CCDC60: variants seen among roughly 807,000 people sequenced by gnomAD.
The protein encoded by CCDC60 is coiled-coil domain-containing protein 60.
CCDC60 carries 54 observed loss-of-function variants against 63.5 expected under a neutral mutation model. That is an observed-to-expected ratio of 0.85 (90% CI 0.68 to 1.07). The LOEUF (loss-of-function observed/expected upper bound fraction) is 1.07. Ranked by LOEUF, CCDC60 falls within the 50% of genes least tolerant of loss-of-function variation. The probability of loss-of-function intolerance (pLI) is 0.00; values close to 1 mark genes in which losing one functional copy is unlikely to be tolerated. For synonymous variants in CCDC60, 206 were observed against 238.8 expected (o/e 0.86, Z 1.27); for missense variants, 651 against 684.3 (o/e 0.95, Z 0.54).
chr12:119,361,094 C>T lies in CCDC60; in HGVS notation c.90+25828C>T, dbSNP rs1318981074. On this transcript the variant is annotated intron_variant, in intron 1 of 13. Coordinates refer to ENST00000327554, the MANE Select transcript of CCDC60 (RefSeq NM_178499.5). ...GAGCCGAGATGGCAGCAGTATAGTC[C>T]AGCTTCGGCTTGGCATGAGAGGGAG... is the stretch of plus-strand genomic sequence containing the variant. Among the ~76,000 whole-genome samples, 3 of 150,318 alleles carry T rather than the reference C, an allele frequency of 2.0e-5. No individual in the cohort carries two copies. The South Asian group carries it at 6.5e-4, about 32-fold the overall frequency.
chr12:119,515,025 G>C (rs762453120), intron 7 of CCDC60, among the ~76,000 whole-genome samples: 3 of 152,172 alleles, frequency 2.0e-5, no homozygotes, highest in Non-Finnish European at 2.9e-5. Context: ...GTATATACCA[G>C]GTGTATAGTA....
At chr12:119,530,266 A>AG (rs1186706877) in intron 12 of CCDC60, among the ~76,000 whole-genome samples, 2 of 132,080 alleles carry the variant, frequency 1.5e-5, no homozygotes, top group African/African-American at 6.0e-5. Context: ...GGGGTGAGGG[A>AG]GTTTTTTTTT....
intron 2 of CCDC60, among the ~76,000 whole-genome samples, chr12:119,436,512 C>G (rs993676431): frequency 2.0e-5 from 3 of 149,872 alleles, no homozygotes; most frequent in Non-Finnish European, 4.4e-5. Context: ...CAAAGAGAAG[C>G]AAGCGAGTCC....
chr12:119,527,550 G>C (rs924018961), intron 11 of CCDC60, among the ~76,000 whole-genome samples: 3 of 151,894 alleles, frequency 2.0e-5, no homozygotes, highest in Non-Finnish European at 2.9e-5. Context: ...GGGGCATACA[G>C]TGTTTGCAAG....
rs771254190 is a variant in CCDC60, at chr12:119,479,109, G to T, written c.357G>T (p.Glu119Asp). The T allele has an allele frequency of 8.1e-6, 13 of 1,612,896 alleles. No homozygotes were observed. The highest frequency in any genetic ancestry group is 1.3e-5 in the African/African-American group (1 of 75,036). The change falls in exon 4 of 14, where the codon GAG becomes GAT. Residue 119 changes from glutamate (E) to aspartate (D), a missense_variant. Transcript: ENST00000327554. ...TGTCCTTCAGCACATATGATGATGA[G>T]AAGTTGAAGACACTGGGAGCTAGAG... ...GDTLLSTYDDEKLKTLGARVT... is the reference protein window; with the variant it reads ...GDTLLSTYDDDKLKTLGARVT...
At position 119,400,328 on chromosome 12, in the gene CCDC60, C is replaced by T. The variant is rs191234528; in HGVS notation, c.91-28355C>T. Among the ~76,000 whole-genome samples, 744 of 152,314 alleles carry T rather than the reference C, an allele frequency of 4.9e-3. 9 individuals are homozygous for T. Among genetic ancestry groups the T allele is most frequent in the African/African-American group, 0.017 (719 of 41,570 alleles). On this transcript the variant is annotated intron_variant, in intron 1 of 13. Coordinates refer to ENST00000327554, the MANE Select transcript of CCDC60 (RefSeq NM_178499.5). ...CCTCCCAAAGTGCCGGGATTACAGG[C>T]GTGAGCCACTGCGCCCGGCCCGGTT...
chr12:119,353,861 TCCAGAGTTTGAGA>T (rs1179907764), intron 1 of CCDC60, among the ~76,000 whole-genome samples: 8 of 151,996 alleles, frequency 5.3e-5, no homozygotes, highest in Non-Finnish European at 8.8e-5. Context: ...TCGCCTGAGG[TCCAGAGTTTGAGA>T]CCAGCCTGGC....
Position 119,523,679 on chromosome 12 carries a change from ATCTGT to A in CCDC60, c.1104-13_1104-9del. On this transcript the variant is annotated splice_polypyrimidine_tract_variant and intron_variant, in intron 10 of 13. Coordinates refer to ENST00000327554, the MANE Select transcript of CCDC60 (RefSeq NM_178499.5). The stretch of plus-strand genomic sequence containing the variant: ...GGGCTCCATTCCCCAAGCCCTTCTT[ATCTGT>A]GTCCACAGCCGCACTAATTGTGACA... The A allele has an allele frequency of 6.2e-7, 1 of 1,613,694 alleles. No homozygotes were observed. The highest frequency in any genetic ancestry group is 8.5e-7 in the Non-Finnish European group (1 of 1,179,792).
At chr12:119,469,216 G>A (rs1379934995) in intron 2 of CCDC60, among the ~76,000 whole-genome samples, 3 of 152,110 alleles carry the variant, frequency 2.0e-5, no homozygotes, top group African/African-American at 4.8e-5. Flanking sequence ...GCAGACCCAA[G>A]TCTGAAAGTT....
At chr12:119,533,261 C>T (rs184871038) in intron 13 of CCDC60, among the ~76,000 whole-genome samples, 12 of 151,610 alleles carry the variant, frequency 7.9e-5, no homozygotes, top group African/African-American at 2.7e-4. Flanking sequence ...TTTTTGATGG[C>T]GTTGTTTATT....
At chr12:119,473,505 A>G (rs1374822016) in intron 3 of CCDC60, among the ~76,000 whole-genome samples, 1 of 152,142 alleles carries the variant, frequency 6.6e-6, no homozygotes, top group Non-Finnish European at 1.5e-5. Context: ...GTTTGGTTAC[A>G]TGAATAAGTT....
intron 1 of CCDC60, among the ~76,000 whole-genome samples, chr12:119,386,325 G>C (rs964733825): frequency 1.3e-5 from 2 of 152,162 alleles, no homozygotes; most frequent in South Asian, 2.1e-4. Flanking sequence ...TCTTGCCCTG[G>C]GTAGGTTGCA....
At position 119,335,232 on chromosome 12, in the gene CCDC60, T is replaced by A. The variant is rs781445365; in HGVS notation, c.56T>A (p.Val19Asp). The change falls in exon 1 of 14, where the codon GTC becomes GAC. Residue 19 changes from valine (V) to aspartate (D), a missense_variant. Val to Asp is a radical substitution (Grantham distance 152). Coordinates refer to ENST00000327554, the MANE Select transcript of CCDC60 (RefSeq NM_178499.5). Reference protein sequence around the residue: ...KLQSSPNSGAVRPFYASENLR... With the variant: ...KLQSSPNSGADRPFYASENLR... Reference sequence around the variant, plus strand: ...CAGAGTTCCCCCAACTCGGGGGCTGTCCGGCCCTTTTATGCCTCGGAGAAC... The same window carrying A: ...CAGAGTTCCCCCAACTCGGGGGCTGACCGGCCCTTTTATGCCTCGGAGAAC... 1.9e-6 allele frequency: 3 copies of A among 1,605,534 alleles called. No homozygotes were observed. In the South Asian group the frequency reaches 3.4e-5, roughly 18 times the overall value.
chr12:119,351,394 A>G (rs1262362105), intron 1 of CCDC60, among the ~76,000 whole-genome samples: 1 of 152,202 alleles, frequency 6.6e-6, no homozygotes, highest in Non-Finnish European at 1.5e-5. Context: ...CTATAAAAAA[A>G]TACCTGAGTC....
At chr12:119,433,421 A>G in intron 2 of CCDC60, 2 of 702,396 alleles carry the variant, frequency 2.8e-6, no homozygotes, top group Non-Finnish European at 5.2e-6. Flanking sequence ...AGAATGGGGA[A>G]AAGGCCAAAC....
intron 2 of CCDC60, among the ~76,000 whole-genome samples, chr12:119,436,038 G>A (rs1157596465): frequency 2.0e-5 from 3 of 152,156 alleles, no homozygotes; most frequent in African/African-American, 7.2e-5. Context: ...GAGATCTTTT[G>A]AGCTTTAAGT....
intron 1 of CCDC60, among the ~76,000 whole-genome samples, chr12:119,383,421 C>T (rs1206564698): frequency 5.3e-5 from 8 of 152,106 alleles, no homozygotes; most frequent in Admixed American, 2.6e-4. Flanking sequence ...AAGGGAAACA[C>T]CTGATACAAG....
intron 2 of CCDC60, among the ~76,000 whole-genome samples, chr12:119,464,797 T>C (rs74355196): frequency 0.012 from 1,875 of 152,286 alleles, 87 homozygotes; most frequent in Admixed American, 0.082. Flanking sequence ...TCCGATCCAA[T>C]GTATTATGTC....
At chr12:119,338,841 C>T (rs1311789971) in intron 1 of CCDC60, among the ~76,000 whole-genome samples, 1 of 152,084 alleles carries the variant, frequency 6.6e-6, no homozygotes, top group Non-Finnish European at 1.5e-5. Context: ...TATTAAGAGT[C>T]CCCTGCATAC....
Sources: allele counts gnomAD v4.1 joint callset (sites outside exome capture counted in the v4.1 genomes callset), GRCh38; gene constraint gnomAD v4.1.1; transcripts MANE v1.5; gene names NCBI Gene and HGNC (gene_info 2026-07-23, HGNC 2026-07-21).